Variants in SLC24A2 observed in about 807,000 individuals in gnomAD.
SLC24A2 encodes the protein solute carrier family 24 member 2.
SLC24A2 carries 36 observed loss-of-function variants against 62.0 expected under a neutral mutation model. That is an observed-to-expected ratio of 0.58 (90% CI 0.44 to 0.77). The LOEUF (loss-of-function observed/expected upper bound fraction) is 0.77, where lower values mean the gene tolerates loss of function less well. SLC24A2 is among the 30% of genes least tolerant of loss of function. The probability of loss-of-function intolerance (pLI) is 0.00; values close to 1 mark genes in which losing one functional copy is unlikely to be tolerated. For missense variants in SLC24A2, 846 were observed against 817.9 expected (o/e 1.03, Z -0.42); for synonymous variants, 358 against 294.0 (o/e 1.22, Z -2.23).
At chr9:19,607,334 A>T (rs914735795) in intron 4 of SLC24A2, among the ~76,000 whole-genome samples, 4 of 152,318 alleles carry the variant, frequency 2.6e-5, no homozygotes, top group African/African-American at 9.6e-5. Flanking sequence ...CATAAGTTCC[A>T]GAGGAGAAAG....
At chr9:19,647,068 G>GCACACACACA (rs142480390) in intron 2 of SLC24A2, among the ~76,000 whole-genome samples, 261 of 80,042 alleles carry the variant, frequency 3.3e-3, no homozygotes, top group Admixed American at 5.5e-3. Flanking sequence ...ACACACGCGC[G>GCACACACACA]CACACACACA....
chr9:20,186,676 C>T, the SLC24A2 span, among the ~76,000 whole-genome samples: 11 of 151,934 alleles, frequency 7.2e-5, 1 homozygote, highest in Non-Finnish European at 1.6e-4. Flanking sequence ...TATCTTTAAG[C>T]CTTGGTTTTC....
the SLC24A2 span, among the ~76,000 whole-genome samples, chr9:20,127,445 T>C: frequency 2.0e-5 from 3 of 152,254 alleles, no homozygotes; most frequent in East Asian, 3.9e-4. Context: ...GAAAAACTTC[T>C]AAGCACAAAA....
At chr9:20,250,663 C>A in the SLC24A2 span, among the ~76,000 whole-genome samples, 9 of 146,640 alleles carry the variant, frequency 6.1e-5, no homozygotes, top group African/African-American at 2.2e-4. Flanking sequence ...GATTAAGGAA[C>A]AGCCAATTCA....
the SLC24A2 span, among the ~76,000 whole-genome samples, chr9:19,908,102 C>A: frequency 3.3e-5 from 5 of 152,184 alleles, no homozygotes; most frequent in East Asian, 3.9e-4. Context: ...AGGCTACAGT[C>A]ACCAAAACAG....
At chr9:19,917,237 T>A in the SLC24A2 span, among the ~76,000 whole-genome samples, 1 of 151,718 alleles carries the variant, frequency 6.6e-6, no homozygotes, top group East Asian at 1.9e-4. Context: ...TTTAATGTTA[T>A]TTCTTTAGGA....
the SLC24A2 span, among the ~76,000 whole-genome samples, chr9:20,100,214 T>C: frequency 1.8e-4 from 27 of 152,016 alleles, no homozygotes; most frequent in South Asian, 4.6e-3. Context: ...GTTTTTTTTG[T>C]TTTTTTGTTT....
chr9:19,808,306 C>G, the SLC24A2 span, among the ~76,000 whole-genome samples: 10 of 152,194 alleles, frequency 6.6e-5, no homozygotes. The surrounding 1 kb of genome is among the most constrained non-coding windows in gnomAD (Gnocchi z 4.1). Context: ...TACATGGATT[C>G]TGCTTTTAAA....
At chr9:19,842,396 A>G in the SLC24A2 span, among the ~76,000 whole-genome samples, 1 of 152,344 alleles carries the variant, frequency 6.6e-6, no homozygotes, top group Admixed American at 6.5e-5. Flanking sequence ...GTTATGATGT[A>G]GTTAGGAGAC....
intron 7 of SLC24A2, among the ~76,000 whole-genome samples, chr9:19,565,918 A>G (rs1219678515): frequency 2.0e-5 from 3 of 150,496 alleles, no homozygotes; most frequent in Non-Finnish European, 4.4e-5. Flanking sequence ...CTATATATAG[A>G]AAGCTGAAAC....
the SLC24A2 span, among the ~76,000 whole-genome samples, chr9:20,190,892 T>C: frequency 1.3e-5 from 2 of 152,234 alleles, no homozygotes; most frequent in African/African-American, 2.4e-5. Flanking sequence ...ATAATGTTTA[T>C]ACATTGTTTA....
intron 2 of SLC24A2, among the ~76,000 whole-genome samples, chr9:19,717,324 C>A (rs967191750): frequency 5.3e-5 from 8 of 152,114 alleles, no homozygotes; most frequent in African/African-American, 1.4e-4. Context: ...CACTAAGGTT[C>A]CACAGGAAGA....
At chr9:19,787,266 T>C (rs1355247215) in intron 1 of SLC24A2, among the ~76,000 whole-genome samples, 1 of 152,198 alleles carries the variant, frequency 6.6e-6, no homozygotes, top group East Asian at 1.9e-4. Context: ...TATGAAGATG[T>C]ATGTATAAAC....
chr9:19,685,140 A>G (rs1819842712), intron 2 of SLC24A2, among the ~76,000 whole-genome samples: 1 of 152,128 alleles, frequency 6.6e-6, no homozygotes, highest in South Asian at 2.1e-4. Context: ...AGCCAAATCA[A>G]CAACACAATC....
chr9:19,801,381 TG>T, the SLC24A2 span, among the ~76,000 whole-genome samples: 2 of 152,174 alleles, frequency 1.3e-5, no homozygotes, highest in Non-Finnish European at 2.9e-5. Context: ...GACACCCTGC[TG>T]GATGCCGAGG....
At chr9:20,057,243 G>A in the SLC24A2 span, among the ~76,000 whole-genome samples, 11 of 152,114 alleles carry the variant, frequency 7.2e-5, no homozygotes, top group Non-Finnish European at 1.3e-4. Flanking sequence ...CTAAATTTGA[G>A]CGTGTGATGC....
chr9:20,203,647 C>A, the SLC24A2 span, among the ~76,000 whole-genome samples: 3 of 151,348 alleles, frequency 2.0e-5, no homozygotes, highest in Non-Finnish European at 4.4e-5. Context: ...AGTTCAAGAC[C>A]AGCCTGGGAA....
intron 7 of SLC24A2, among the ~76,000 whole-genome samples, chr9:19,570,503 C>T (rs1420120989): frequency 2.6e-5 from 4 of 152,266 alleles, no homozygotes; most frequent in South Asian, 4.1e-4. Flanking sequence ...CTAACACAAA[C>T]GTTCACTCAT....
the SLC24A2 span, among the ~76,000 whole-genome samples, chr9:19,833,472 C>G: frequency 6.6e-6 from 1 of 152,170 alleles, no homozygotes; most frequent in Non-Finnish European, 1.5e-5. Context: ...TGGAACCTCG[C>G]TCATTGCTAG....
Sources: allele counts gnomAD v4.1 joint callset (sites outside exome capture counted in the v4.1 genomes callset), GRCh38; gene constraint gnomAD v4.1.1; non-coding constraint Gnocchi (gnomAD v3.1); transcripts MANE v1.5; gene names NCBI Gene and HGNC (gene_info 2026-07-23, HGNC 2026-07-21).